Variants in POLR1F observed in about 807,000 individuals in gnomAD.
POLR1F encodes DNA-directed RNA polymerase I subunit RPA43.
POLR1F carries 23 observed loss-of-function variants against 21.8 expected under a neutral mutation model. The observed-to-expected ratio is 1.05, with a 90% CI of 0.76 to 1.49. The LOEUF (loss-of-function observed/expected upper bound fraction) is 1.49, where lower values mean the gene tolerates loss of function less well. POLR1F is among the 40% of genes most tolerant of loss of function. The pLI, the probability that POLR1F is intolerant of heterozygous loss-of-function variation, is 0.00. For missense variants in POLR1F, 435 were observed against 412.1 expected (o/e 1.06, Z -0.48); for synonymous variants, 162 against 152.8 (o/e 1.06, Z -0.45).
chr7:19,698,591 C>T lies in POLR1F; in HGVS notation c.742G>A (p.Ala248Thr), dbSNP rs1303231702. The T allele has an allele frequency of 1.2e-6, 2 of 1,613,452 alleles. No homozygotes were observed. Among genetic ancestry groups the T allele is most frequent in the Non-Finnish European group, 1.7e-6 (2 of 1,179,802 alleles). Residue 248 changes from alanine to threonine, a missense_variant, in exon 4 of 4, where the codon GCA becomes ACA. Ala to Thr is a moderately conservative substitution (Grantham distance 58). Transcript: ENST00000222567. ...YEVDSGTTKL[A>T]DDADDTPMEE... is the part of the protein sequence containing the mutation. ...ATTGGAGTGTCATCTGCATCATCTG[C>T]TAGCTTTGTGGTACCACTGTCCACT... is the stretch of plus-strand genomic sequence containing the variant.
intron 2 of POLR1F, among the ~76,000 whole-genome samples, chr7:19,702,051 G>T (rs1013817410): frequency 6.6e-6 from 1 of 152,080 alleles, no homozygotes; most frequent in Non-Finnish European, 1.5e-5. Context: ...CTTGTGAGGA[G>T]CAATACCTCA....
rs139667674 is a variant in POLR1F at position 19,706,970 on chromosome 7, G to A, written c.254+1793C>T. On this transcript the variant is annotated intron_variant, in intron 1 of 3. Coordinates refer to ENST00000222567, the MANE Select transcript of POLR1F (RefSeq NM_001002926.2). Reference sequence around the variant, plus strand: ...ATACCCAAGTAATATGGAAGGAGTGGTGTCCAGATCTGTTCAGAGCCACTC... The same window carrying A: ...ATACCCAAGTAATATGGAAGGAGTGATGTCCAGATCTGTTCAGAGCCACTC... Among the ~76,000 whole-genome samples the A allele has an allele frequency of 2.6e-3, 392 of 152,308 alleles. 3 individuals carry two copies. Among genetic ancestry groups the A allele is most frequent in the African/African-American group, 9.1e-3 (380 of 41,554 alleles).
chr7:19,698,555 C>T lies in POLR1F; in HGVS notation c.778G>A (p.Ala260Thr), dbSNP rs1783405539. 6.2e-7 allele frequency: 1 copy of T among 1,612,118 alleles called. No individual in the cohort carries two copies. The highest frequency in any genetic ancestry group is 2.2e-5 in the East Asian group (1 of 44,864). The change falls in exon 4 of 4, where the codon GCC (alanine) becomes ACC (threonine). Residue 260 changes from alanine to threonine, a missense_variant. Coordinates refer to ENST00000222567, the MANE Select transcript of POLR1F (RefSeq NM_001002926.2). ...TTCGCATTATTAGTATTCTGCAGGG[C>T]TGACTCTTCCATTGGAGTGTCATCT... ...DADDTPMEES[A>T]LQNTNNANGI... is the part of the protein sequence containing the mutation.
chr7:19,706,888 C>T (rs1306821669), intron 1 of POLR1F, among the ~76,000 whole-genome samples: 1 of 152,076 alleles, frequency 6.6e-6, no homozygotes, highest in African/African-American at 2.4e-5. Flanking sequence ...TGTTTTGTCC[C>T]TTATTAGTAA....
At chr7:19,699,078 C>T (rs1783416986) in intron 3 of POLR1F, among the ~76,000 whole-genome samples, 1 of 152,052 alleles carries the variant, frequency 6.6e-6, no homozygotes, top group Admixed American at 6.6e-5. Context: ...GGTCACTGAA[C>T]ATTAAACACC....
chr7:19,708,470 T>A (rs2128007583), intron 1 of POLR1F, among the ~76,000 whole-genome samples: 1 of 152,316 alleles, frequency 6.6e-6, no homozygotes, highest in South Asian at 2.1e-4. Flanking sequence ...TCCAGATCCC[T>A]GGTCTTTTCC....
chr7:19,708,994 G>A lies in POLR1F; in HGVS notation c.23C>T (p.Ala8Val), dbSNP rs774873164. 6 of 1,592,364 alleles carry A rather than the reference G, an allele frequency of 3.8e-6. No homozygotes were observed. Among genetic ancestry groups the A allele is most frequent in the African/African-American group, 1.3e-5 (1 of 74,596 alleles). ...ATCAGAAGCCGCCGCTGGCCGCGGC[G>A]CCTCTGAGCAACCTGCAGCCATGCT... MAAGCSE[A>V]PRPAAASDGS... The change falls in exon 1 of 4, where the codon GCG becomes GTG. Residue 8 changes from alanine to valine, a missense_variant. Ala to Val is a moderately conservative substitution (Grantham distance 64). Coordinates refer to ENST00000222567, the MANE Select transcript of POLR1F (RefSeq NM_001002926.2).
chr7:19,708,097 C>T (rs1783557129), intron 1 of POLR1F, among the ~76,000 whole-genome samples: 1 of 152,014 alleles, frequency 6.6e-6, no homozygotes, highest in African/African-American at 2.4e-5. Flanking sequence ...TTTTGAATAC[C>T]GTAATATAAA....
intron 3 of POLR1F, among the ~76,000 whole-genome samples, chr7:19,699,814 A>G (rs2128006151): frequency 6.6e-6 from 1 of 152,296 alleles, no homozygotes; most frequent in Non-Finnish European, 1.5e-5. Context: ...GAAAATACTC[A>G]GCAAAATTGA....
chr7:19,704,061 T>A (rs573247199), intron 2 of POLR1F, among the ~76,000 whole-genome samples: 1 of 152,258 alleles, frequency 6.6e-6, no homozygotes, highest in East Asian at 1.9e-4. Flanking sequence ...ATGAAAAAAA[T>A]TGGAAGTGTC....
rs367724083 is a variant in POLR1F at position 19,700,236 on chromosome 7, T to A, written c.441A>T (p.Val147=). 40 of 1,613,746 alleles carry A rather than the reference T, an allele frequency of 2.5e-5. No homozygotes were observed. Among genetic ancestry groups the A allele is most frequent in the Middle Eastern group, 1.6e-4 (1 of 6,084 alleles). The change falls in exon 3 of 4, where the codon GTA becomes GTT. Residue 147 remains valine, a synonymous_variant. Coordinates refer to ENST00000222567, the MANE Select transcript of POLR1F (RefSeq NM_001002926.2). ...KVSSSHIGCL[V]HGCFNASIPK... Reference sequence around the variant, plus strand: ...GAATGGAGGCATTGAAACACCCATGTACTAAACAGCCAATGTGGCTAGAAG... The same window carrying A: ...GAATGGAGGCATTGAAACACCCATGAACTAAACAGCCAATGTGGCTAGAAG...
At chr7:19,708,137 A>C (rs546475961) in intron 1 of POLR1F, among the ~76,000 whole-genome samples, 1 of 152,262 alleles carries the variant, frequency 6.6e-6, no homozygotes, top group South Asian at 2.1e-4. Context: ...TCTCTCCCCA[A>C]AGCAACAGGC....
In POLR1F at chr7:19,697,483, G is replaced by GAAC. The variant is rs1348895692; in HGVS notation, c.*830_*832dup. ...ATTTTCTCAATGAAAGCAGTGAACA[G>GAAC]AACAACTGTTTTCTCTTCAGCACAA... On this transcript the variant is annotated 3_prime_UTR_variant, in exon 4 of 4. Transcript: ENST00000222567. 6.6e-6 allele frequency: 1 copy of GAAC among 152,108 alleles called. No homozygotes were observed. Among genetic ancestry groups the GAAC allele is most frequent in the Non-Finnish European group, 1.5e-5 (1 of 67,986 alleles). 9.4% of individuals were successfully genotyped at this position (152,108 alleles called of 1,614,324 possible). A position where few individuals can be genotyped will look rare whatever the true frequency, so the allele number is the denominator to read the frequency against.
In POLR1F at chr7:19,698,355, T is replaced by A; in HGVS notation, c.978A>T (p.Lys326Asn). 3 of 1,579,428 alleles carry A rather than the reference T, an allele frequency of 1.9e-6. No individual in the cohort carries two copies. The highest frequency in any genetic ancestry group is 2.6e-6 in the Non-Finnish European group (3 of 1,171,344). ...SEEAEFTPPL[K>N]CSPKRKGKSN... ...TTTTCCCTTTTCTTTTTGGTGAGCA[T>A]TTCAAAGGTGGGGTAAATTCGGCCT... The change falls in exon 4 of 4, where the codon AAA becomes AAT. Residue 326 changes from lysine (K) to asparagine (N), a missense_variant. Physicochemically the swap from Lys to Asn is moderately conservative, Grantham distance 94. Transcript: ENST00000222567.
chr7:19,698,089 G>A lies in POLR1F; in HGVS notation c.*227C>T. 1 of 365,758 alleles carries A rather than the reference G, an allele frequency of 2.7e-6. No individual in the cohort carries two copies. The highest frequency in any genetic ancestry group is 4.4e-5 in the Admixed American group (1 of 22,774). 22.7% of individuals were successfully genotyped at this position (365,758 alleles called of 1,614,324 possible). On this transcript the variant is annotated 3_prime_UTR_variant, in exon 4 of 4. Coordinates refer to ENST00000222567, the MANE Select transcript of POLR1F (RefSeq NM_001002926.2). ...AAGAATATGAGAGCTGACAGTGAGA[G>A]CAGCTTTTTATTTTGTATAAAATGG...
chr7:19,699,087 C>T (rs1040566431), intron 3 of POLR1F, among the ~76,000 whole-genome samples: 1 of 152,066 alleles, frequency 6.6e-6, no homozygotes, highest in Admixed American at 6.6e-5. Context: ...ACATTAAACA[C>T]CACAATACCT....
intron 1 of POLR1F, 70 bp from the exon 2 acceptor site, chr7:19,704,990 G>T (rs911438341): frequency 3.4e-6 from 5 of 1,465,962 alleles, no homozygotes; most frequent in African/African-American, 2.9e-5. Flanking sequence ...TGGAGACAGG[G>T]TCTTGCTCTG....
chr7:19,699,969 TAG>T, intron 3 of POLR1F, 101 bp downstream of exon 3: 1 of 945,776 alleles, frequency 1.1e-6, no homozygotes. Flanking sequence ...CAGGTATTTT[TAG>T]AGAGGCTTAT....
rs558473371 is a variant in POLR1F at position 19,701,047 on chromosome 7, G to A, written c.397-767C>T. The stretch of plus-strand genomic sequence containing the variant: ...GAATTATGAAACTGCAAATAATGCC[G>A]ATGTGTATACAATGCTGTTTAACAT... On this transcript the variant is annotated intron_variant, in intron 2 of 3. Coordinates refer to ENST00000222567, the MANE Select transcript of POLR1F (RefSeq NM_001002926.2). Among the ~76,000 whole-genome samples, 97 of 152,188 alleles carry A rather than the reference G, an allele frequency of 6.4e-4. 1 individual carries two copies. The highest frequency in any genetic ancestry group is 2.0e-3 in the African/African-American group (82 of 41,516).
Sources: allele counts gnomAD v4.1 joint callset (sites outside exome capture counted in the v4.1 genomes callset), GRCh38; gene constraint gnomAD v4.1.1; transcripts MANE v1.5; gene names NCBI Gene and HGNC (gene_info 2026-07-23, HGNC 2026-07-21).